The following ESR1 variants were observed in gnomAD, a reference collection of about 807,000 sequenced individuals.
The protein encoded by ESR1 is estrogen receptor.
Under a neutral mutation model 52.7 loss-of-function variants are expected in ESR1, and 12 were observed. The ratio of observed to expected loss-of-function variants is 0.23; its 90% confidence interval spans 0.15 to 0.37. The LOEUF (loss-of-function observed/expected upper bound fraction) is 0.37. Ranked by LOEUF, ESR1 falls within the 10% of genes least tolerant of loss-of-function variation. The pLI, the probability that ESR1 is intolerant of heterozygous loss-of-function variation, is 1.00. For synonymous variants in ESR1, 305 were observed against 316.8 expected (o/e 0.96, Z 0.39); for missense variants, 584 against 779.7 (o/e 0.75, Z 2.99).
At chr6:151,875,743 G>A (rs1040351257) in intron 2 of ESR1, among the ~76,000 whole-genome samples, 1 of 152,188 alleles carries the variant, frequency 6.6e-6, no homozygotes, top group African/African-American at 2.4e-5. Context: ...AAGAGCATGT[G>A]CCAAGTCCTG....
At chr6:151,715,239 A>T (rs146380064) in intron 2 of ESR1, among the ~76,000 whole-genome samples, 1 of 152,308 alleles carries the variant, frequency 6.6e-6, no homozygotes, top group East Asian at 1.9e-4. Flanking sequence ...TTTGTGGGTA[A>T]CACGACCTTT....
chr6:152,070,639 G>A lies in ESR1; in HGVS notation c.1369+9515G>A, dbSNP rs1256634822. Among the ~76,000 whole-genome samples, 2 of 138,160 alleles carry A rather than the reference G, an allele frequency of 1.4e-5. 1 individual carries two copies. Among genetic ancestry groups the A allele is most frequent in the Non-Finnish European group, 3.0e-5 (2 of 66,824 alleles). 90.6% of individuals were successfully genotyped at this position (138,160 alleles called of 152,430 possible). ...TGCATCTGCCACTCATGGCCCCATC[G>A]CTCCCTCCAACTGCTTCTCTTGGGC... On this transcript the variant is annotated intron_variant, in intron 6 of 7. Coordinates refer to ENST00000206249, the MANE Select transcript of ESR1 (RefSeq NM_000125.4).
At chr6:151,829,985 T>A (rs1412122239) in intron 1 of ESR1, among the ~76,000 whole-genome samples, 3 of 152,220 alleles carry the variant, frequency 2.0e-5, no homozygotes, top group African/African-American at 7.2e-5. Flanking sequence ...AAAATTTCCA[T>A]TTGCAATTCT....
intron 4 of ESR1, among the ~76,000 whole-genome samples, chr6:151,999,662 T>A (rs952468231): frequency 6.6e-6 from 1 of 152,088 alleles, no homozygotes; most frequent in Non-Finnish European, 1.5e-5. Context: ...ATGTAATGAA[T>A]CAAAATGTTT....
At chr6:151,958,242 C>G (rs1204252062) in intron 4 of ESR1, among the ~76,000 whole-genome samples, 1 of 152,012 alleles carries the variant, frequency 6.6e-6, no homozygotes, top group Non-Finnish European at 1.5e-5. Flanking sequence ...TCAACTTATA[C>G]CATAGATAGA....
chr6:151,674,413 C>T (rs1293948), intron 1 of ESR1, among the ~76,000 whole-genome samples: 78,882 of 152,084 alleles, frequency 0.52, 20,706 homozygotes, highest in African/African-American at 0.61. Flanking sequence ...TGCCACATTT[C>T]CTTTATCCAG....
At chr6:151,945,526 A>T (rs751126375) in intron 4 of ESR1, among the ~76,000 whole-genome samples, 99 of 152,206 alleles carry the variant, frequency 6.5e-4, no homozygotes, top group Non-Finnish European at 1.2e-3. Flanking sequence ...TGGCAACAAG[A>T]CTAGAAAATG....
upstream of ESR1, among the ~76,000 whole-genome samples, chr6:151,685,642 G>C (rs895612325): frequency 6.6e-5 from 10 of 152,190 alleles, no homozygotes; most frequent in African/African-American, 2.4e-4. Context: ...GGCAGATGGG[G>C]AGTAAGAAGG....
intron 6 of ESR1, among the ~76,000 whole-genome samples, chr6:152,080,128 A>G (rs2049069259): frequency 6.6e-6 from 1 of 152,230 alleles, no homozygotes; most frequent in Non-Finnish European, 1.5e-5. Flanking sequence ...ATTCAAATTC[A>G]GGAAATACAG....
At chr6:151,700,335 A>G (rs778714097) in intron 1 of ESR1, among the ~76,000 whole-genome samples, 4 of 152,158 alleles carry the variant, frequency 2.6e-5, no homozygotes, top group Non-Finnish European at 5.9e-5. Context: ...CATGCTTATG[A>G]ATTTTCCACT....
chr6:151,955,788 G>A (rs3020391), intron 4 of ESR1, among the ~76,000 whole-genome samples: 121,926 of 152,060 alleles, frequency 0.8, 49,139 homozygotes, highest in Middle Eastern at 0.87. Context: ...TAAACTCATG[G>A]CTCGGGGCTT....
At chr6:151,785,244 G>T (rs1786908396) in intron 2 of ESR1, among the ~76,000 whole-genome samples, 1 of 152,218 alleles carries the variant, frequency 6.6e-6, no homozygotes, top group South Asian at 2.1e-4. Context: ...TGAAAGATGA[G>T]CCTGGAGACG....
At chr6:152,065,849 A>G (rs2047924221) in intron 6 of ESR1, among the ~76,000 whole-genome samples, 1 of 152,212 alleles carries the variant, frequency 6.6e-6, no homozygotes, top group Non-Finnish European at 1.5e-5. Context: ...TCCAAAACTG[A>G]TCCTCAGACA....
upstream of ESR1, among the ~76,000 whole-genome samples, chr6:151,802,472 T>C (rs1777356944): frequency 6.6e-6 from 1 of 152,184 alleles, no homozygotes; most frequent in African/African-American, 2.4e-5. Flanking sequence ...CATGTTTCTT[T>C]TGGAGGAATA....
rs575251720 is a variant in ESR1 at position 151,841,737 on chromosome 6, G to A, written c.453-860G>A. Among the ~76,000 whole-genome samples, 6 of 147,244 alleles carry A rather than the reference G, an allele frequency of 4.1e-5. No individual in the cohort carries two copies. In the East Asian group the frequency reaches 1.2e-3, roughly 29 times the overall value. On this transcript the variant is annotated intron_variant, in intron 1 of 7. Coordinates refer to ENST00000206249, the MANE Select transcript of ESR1 (RefSeq NM_000125.4). ...CTCTTTCTACATTTTTTTTTTCTGTGTTCCTCTGATTTTCACGCAGTCTGG... is the reference window on the plus strand; with the variant it reads ...CTCTTTCTACATTTTTTTTTTCTGTATTCCTCTGATTTTCACGCAGTCTGG...
chr6:151,714,463 G>A (rs1272435036), intron 2 of ESR1, among the ~76,000 whole-genome samples: 1 of 152,168 alleles, frequency 6.6e-6, no homozygotes, highest in Non-Finnish European at 1.5e-5. Flanking sequence ...ATTATTGTGT[G>A]AGAATCTAAG....
At chr6:151,705,227 T>A (rs533894474) in intron 2 of ESR1, among the ~76,000 whole-genome samples, 38 of 152,158 alleles carry the variant, frequency 2.5e-4, no homozygotes, top group Middle Eastern at 3.2e-3. Flanking sequence ...AGCTGACTAA[T>A]AATTTTATTT....
intron 5 of ESR1, among the ~76,000 whole-genome samples, chr6:152,037,792 G>T (rs993564474): frequency 3.9e-5 from 6 of 152,122 alleles, no homozygotes; most frequent in Admixed American, 2.6e-4. Flanking sequence ...TGATCACAAG[G>T]CTAGAGAGTG....
At chr6:151,750,608 C>A (rs1783827523) in intron 2 of ESR1, among the ~76,000 whole-genome samples, 1 of 152,034 alleles carries the variant, frequency 6.6e-6, no homozygotes, top group Admixed American at 6.5e-5. Flanking sequence ...CATAGTTTTC[C>A]TTTAGGGTGA....
Sources: gnomAD v4.1 joint callset for allele counts (sites outside exome capture counted in the v4.1 genomes callset) on GRCh38, gnomAD v4.1.1 for gene constraint, MANE v1.5 for transcripts, NCBI Gene and HGNC (gene_info 2026-07-23, HGNC 2026-07-21) for gene names.